The following CSMD1 variants were observed in gnomAD, a reference collection of about 807,000 sequenced individuals.
CSMD1 encodes the protein CUB and sushi domain-containing protein 1.
In CSMD1, 213 loss-of-function variants were observed where a neutral mutation model predicts 417.5. The ratio of observed to expected loss-of-function variants is 0.51; its 90% CI spans 0.46 to 0.57. CSMD1 has a LOEUF of 0.57. Ranked by LOEUF, CSMD1 falls within the 20% of genes least tolerant of loss-of-function variation. CSMD1 has a pLI of 0.00. For synonymous variants in CSMD1, 2,862 were observed against 1,736.8 expected, an observed-to-expected ratio of 1.65 and a Z score of -16.11; for missense variants, 6,923 against 4,529.7, an observed-to-expected ratio of 1.53 and a Z score of -15.17.
chr8:3,491,852 G>T (rs369972378), intron 11 of CSMD1, among the ~76,000 whole-genome samples: 1 of 152,210 alleles, frequency 6.6e-6, no homozygotes, highest in East Asian at 1.9e-4. Context: ...CACCCGGCGG[G>T]TACCCCGAGT....
intron 11 of CSMD1, among the ~76,000 whole-genome samples, chr8:3,477,952 C>G (rs1817523836): frequency 6.6e-6 from 1 of 152,168 alleles, no homozygotes; most frequent in Admixed American, 6.5e-5. Context: ...AAAAATAAGT[C>G]AAGGGAGTGC....
chr8:4,800,529 G>A (rs1410382284), intron 1 of CSMD1, among the ~76,000 whole-genome samples: 2 of 152,156 alleles, frequency 1.3e-5, no homozygotes, highest in African/African-American at 4.8e-5. Context: ...GTATTCATGT[G>A]AGAGTGATTT....
chr8:4,950,480 G>C (rs528976460), intron 1 of CSMD1, among the ~76,000 whole-genome samples: 3 of 152,060 alleles, frequency 2.0e-5, no homozygotes, highest in Non-Finnish European at 4.4e-5. Flanking sequence ...AATAGGATAA[G>C]AAATAAATCA....
chr8:4,224,355 C>T (rs575093875), intron 3 of CSMD1, among the ~76,000 whole-genome samples: 14 of 152,150 alleles, frequency 9.2e-5, no homozygotes, highest in Non-Finnish European at 1.8e-4. Flanking sequence ...GGTACATGTA[C>T]GATGTTGCGC....
intron 10 of CSMD1, among the ~76,000 whole-genome samples, chr8:3,546,086 G>A (rs1310572495): frequency 6.6e-6 from 1 of 152,190 alleles, no homozygotes; most frequent in South Asian, 2.1e-4. Flanking sequence ...GCTAACAAAT[G>A]TAAATAGCAG....
intron 3 of CSMD1, among the ~76,000 whole-genome samples, chr8:4,397,998 C>T (rs73177359): frequency 0.027 from 4,086 of 152,180 alleles, 83 homozygotes; most frequent in Non-Finnish European, 0.04. Context: ...TTTTAAATAC[C>T]TTTGTCTAGG....
chr8:3,129,931 A>G (rs1431608068), intron 41 of CSMD1, among the ~76,000 whole-genome samples: 1 of 152,096 alleles, frequency 6.6e-6, no homozygotes, highest in Non-Finnish European at 1.5e-5. Flanking sequence ...CAGTGAGCCG[A>G]GATCGCGCCA....
intron 1 of CSMD1, among the ~76,000 whole-genome samples, chr8:4,791,616 C>G (rs892215889): frequency 3.3e-5 from 5 of 152,106 alleles, no homozygotes; most frequent in African/African-American, 1.2e-4. Context: ...GCAATGTTAC[C>G]AACGTAAGGG....
intron 6 of CSMD1, among the ~76,000 whole-genome samples, chr8:3,709,699 T>TTTTTTTTTTTTTTTTTTTTTTTG: frequency 7.7e-6 from 1 of 130,346 alleles, no homozygotes; most frequent in Non-Finnish European, 1.7e-5. Context: ...TTTTTTTTTT[T>TTTTTTTTTTTTTTTTTTTTTTTG]TTTTTTTTTT....
intron 1 of CSMD1, among the ~76,000 whole-genome samples, chr8:4,797,607 A>G (rs1215957321): frequency 1.3e-5 from 2 of 152,208 alleles, no homozygotes; most frequent in Non-Finnish European, 2.9e-5. Flanking sequence ...GGGGGGAGAG[A>G]GAAAAAGAGA....
chr8:4,624,185 T>C (rs1005979579), intron 2 of CSMD1, among the ~76,000 whole-genome samples: 9 of 152,080 alleles, frequency 5.9e-5, no homozygotes, highest in Non-Finnish European at 1.2e-4. Flanking sequence ...TCAACTACTG[T>C]TCCAAGAATG....
intron 3 of CSMD1, among the ~76,000 whole-genome samples, chr8:4,199,772 G>A (rs909307546): frequency 3.9e-5 from 6 of 152,186 alleles, no homozygotes; most frequent in African/African-American, 1.4e-4. Flanking sequence ...GAAGACTCAA[G>A]GATAACATGC....
At chr8:4,086,099 C>G (rs987442535) in intron 3 of CSMD1, among the ~76,000 whole-genome samples, 27 of 152,118 alleles carry the variant, frequency 1.8e-4, no homozygotes, top group African/African-American at 6.0e-4. Flanking sequence ...CTCATTTTTC[C>G]TACTAGTTAT....
At chr8:4,108,189 T>C (rs1322109573) in intron 3 of CSMD1, among the ~76,000 whole-genome samples, 1 of 152,094 alleles carries the variant, frequency 6.6e-6, no homozygotes, top group African/African-American at 2.4e-5. Context: ...TATCAGACTC[T>C]ATGGGAAACA....
chr8:4,049,401 T>G (rs1379070758), intron 3 of CSMD1, among the ~76,000 whole-genome samples: 6 of 151,748 alleles, frequency 4.0e-5, no homozygotes, highest in African/African-American at 9.7e-5. Flanking sequence ...CCAAACGTCA[T>G]CTGCGGAGAA....
intron 3 of CSMD1, among the ~76,000 whole-genome samples, chr8:4,409,311 T>C (rs1796515824): frequency 6.6e-6 from 1 of 152,214 alleles, no homozygotes; most frequent in East Asian, 1.9e-4. Flanking sequence ...ATGTGTTTTT[T>C]CTTCTCTTAA....
chr8:4,800,453 AAG>A (rs1798219807), intron 1 of CSMD1, among the ~76,000 whole-genome samples: 3 of 151,740 alleles, frequency 2.0e-5, no homozygotes, highest in Non-Finnish European at 2.9e-5. Context: ...AAAAAAAAAA[AAG>A]GAAAATTAAA....
chr8:3,240,118 A>T (rs1293833359), intron 26 of CSMD1, among the ~76,000 whole-genome samples: 3 of 152,208 alleles, frequency 2.0e-5, no homozygotes, highest in Non-Finnish European at 4.4e-5. Context: ...GGGCTAGGCA[A>T]AACAGTAAGG....
chr8:3,441,422 G>C (rs1381463975), intron 12 of CSMD1, among the ~76,000 whole-genome samples: 1 of 151,588 alleles, frequency 6.6e-6, no homozygotes, highest in Non-Finnish European at 1.5e-5. Context: ...AAATGACATT[G>C]ATTTTGAAAT....
Sources: gnomAD v4.1 joint callset for allele counts (sites outside exome capture counted in the v4.1 genomes callset) on GRCh38, gnomAD v4.1.1 for gene constraint, MANE v1.5 for transcripts, NCBI Gene and HGNC (gene_info 2026-07-23, HGNC 2026-07-21) for gene names.